The following CIT variants were observed in gnomAD, a reference collection of about 807,000 sequenced individuals.
CIT encodes citron rho-interacting serine/threonine kinase.
CIT carries 79 observed loss-of-function variants against 272.7 expected under a neutral mutation model. The observed-to-expected ratio is 0.29, with a 90% CI of 0.24 to 0.35. CIT has a LOEUF of 0.35. Ranked by LOEUF, CIT falls within the 10% of genes least tolerant of loss-of-function variation. The pLI, the probability that CIT is intolerant of heterozygous loss-of-function variation, is 1.00. For missense variants in CIT, 1,909 were observed against 2,618.3 expected (o/e 0.73, Z 5.91); for synonymous variants, 948 against 995.6 (o/e 0.95, Z 0.90).
intron 24 of CIT, among the ~76,000 whole-genome samples, chr12:119,737,731 T>G (rs1407449036): frequency 6.6e-6 from 1 of 152,240 alleles, no homozygotes; most frequent in African/African-American, 2.4e-5. Flanking sequence ...CATCTCTATT[T>G]TGCCCATTTG....
intron 28 of CIT, among the ~76,000 whole-genome samples, chr12:119,723,419 T>TAAA (rs1957910211): frequency 7.1e-6 from 1 of 140,474 alleles, no homozygotes; most frequent in African/African-American, 2.6e-5. Flanking sequence ...AAAAAAAAAG[T>TAAA]AAGCGGGGCA....
chr12:119,862,840 A>G (rs1950392739), intron 3 of CIT, among the ~76,000 whole-genome samples: 4 of 122,726 alleles, frequency 3.3e-5, no homozygotes, highest in Admixed American at 2.5e-4. Flanking sequence ...AAAAAAAAAA[A>G]GAAAAAACCA....
At chr12:119,820,971 A>T (rs1361901751) in intron 9 of CIT, among the ~76,000 whole-genome samples, 1 of 151,876 alleles carries the variant, frequency 6.6e-6, no homozygotes, top group Non-Finnish European at 1.5e-5. Flanking sequence ...CTCTGTCTCA[A>T]AAGTAAATAA....
chr12:119,738,188 TG>T (rs1187033559), intron 24 of CIT, among the ~76,000 whole-genome samples: 12 of 152,192 alleles, frequency 7.9e-5, no homozygotes, highest in African/African-American at 2.9e-4. Context: ...TCTTGCCCCC[TG>T]AACCATACTG....
chr12:119,792,022 T>TA lies in CIT; in HGVS notation c.1296-6958dup, dbSNP rs550606239. On this transcript the variant is annotated intron_variant, in intron 10 of 47. Coordinates refer to ENST00000392521, the MANE Select transcript of CIT (RefSeq NM_001206999.2). ...CTGTAAATAATCCATATAACTTTGT[T>TA]AAAAAAAATTACTTAATAGGGCTAT... is the stretch of plus-strand genomic sequence containing the variant. Among the ~76,000 whole-genome samples, 174 of 152,174 alleles carry TA rather than the reference T, an allele frequency of 1.1e-3. 1 individual carries two copies. The highest frequency in any genetic ancestry group is 4.0e-3 in the African/African-American group (166 of 41,518).
chr12:119,690,073 G>A lies in CIT; in HGVS notation c.6186+78C>T. 1.5e-6 allele frequency: 2 copies of A among 1,316,232 alleles called. No homozygotes were observed. The highest frequency in any genetic ancestry group is 3.9e-5 in the South Asian group (2 of 51,704). The allele number at this position is 1,316,232 out of a possible 1,614,324, so 81.5% of individuals were successfully genotyped here. On this transcript the variant is annotated intron_variant, in intron 47 of 47. Transcript: ENST00000392521. The surrounding 1 kb of genome is among the most constrained non-coding windows in gnomAD (Gnocchi z 6.0). Reference sequence around the variant, plus strand: ...TGGAGTTCCTTTTTTAAACAACAGTGGCCCCGTGGGGGCCTCAGTTCCCCA... The same window carrying A: ...TGGAGTTCCTTTTTTAAACAACAGTAGCCCCGTGGGGGCCTCAGTTCCCCA...
chr12:119,859,158 T>C (rs1226489516), intron 3 of CIT, among the ~76,000 whole-genome samples: 1 of 152,206 alleles, frequency 6.6e-6, no homozygotes, highest in Non-Finnish European at 1.5e-5. Flanking sequence ...AATTTAATCC[T>C]GCACGTTACA....
chr12:119,835,731 G>A (rs1165003247), intron 5 of CIT, among the ~76,000 whole-genome samples: 1 of 152,110 alleles, frequency 6.6e-6, no homozygotes, highest in Non-Finnish European at 1.5e-5. Flanking sequence ...CTCTAGACAA[G>A]TCAGAAGTAG....
intron 24 of CIT, 47 bp downstream of exon 24, chr12:119,742,364 T>C (rs1363395059): frequency 1.4e-6 from 2 of 1,410,538 alleles, no homozygotes; most frequent in African/African-American, 1.4e-5. Context: ...TCCTCCTCTG[T>C]TTTAGTTTCA....
At chr12:119,815,952 A>C (rs1967146289) in intron 9 of CIT, among the ~76,000 whole-genome samples, 1 of 152,188 alleles carries the variant, frequency 6.6e-6, no homozygotes. Context: ...AAACAAAGGC[A>C]AAGAGAATTT....
At chr12:119,851,995 T>C (rs1157047554) in intron 4 of CIT, among the ~76,000 whole-genome samples, 1 of 152,188 alleles carries the variant, frequency 6.6e-6, no homozygotes, top group East Asian at 1.9e-4. Context: ...ATCCCACCAC[T>C]GCACTCCAGC....
At chr12:119,775,187 C>T (rs1963620290) in intron 16 of CIT, among the ~76,000 whole-genome samples, 1 of 152,036 alleles carries the variant, frequency 6.6e-6, no homozygotes, top group Non-Finnish European at 1.5e-5. Flanking sequence ...GCAAGAGAAT[C>T]GCTTCAACCC....
chr12:119,845,504 T>C (rs931029982), intron 5 of CIT, among the ~76,000 whole-genome samples: 1 of 150,778 alleles, frequency 6.6e-6, no homozygotes, highest in African/African-American at 2.4e-5. Context: ...AATACAAAAA[T>C]TTGCCGGACA....
chr12:119,700,295 T>G (rs1163466128), intron 44 of CIT, among the ~76,000 whole-genome samples: 3 of 152,232 alleles, frequency 2.0e-5, no homozygotes, highest in African/African-American at 7.2e-5. Flanking sequence ...TCCGGGTGAC[T>G]GTTACACATG....
intron 40 of CIT, 147 bp from the exon 41 acceptor site, chr12:119,704,602 G>A (rs1382330523): frequency 7.3e-6 from 5 of 682,058 alleles, no homozygotes; most frequent in East Asian, 5.4e-5. Context: ...CCTGGGCATC[G>A]CAGGATATGA....
At chr12:119,792,918 C>T (rs528513140) in intron 10 of CIT, among the ~76,000 whole-genome samples, 185 of 152,014 alleles carry the variant, frequency 1.2e-3, no homozygotes, top group African/African-American at 4.0e-3. Context: ...GCCGAGATAG[C>T]GCCACTGCAC....
chr12:119,711,180 T>C, intron 37 of CIT: 1 of 1,087,516 alleles, frequency 9.2e-7, no homozygotes, highest in South Asian at 1.2e-5. Context: ...AACCACTGAG[T>C]AAAGCCCTTT....
intron 24 of CIT, among the ~76,000 whole-genome samples, chr12:119,738,400 C>T (rs1958890159): frequency 6.6e-6 from 1 of 152,104 alleles, no homozygotes; most frequent in Non-Finnish European, 1.5e-5. Context: ...GATTTGTTTA[C>T]TATGAGTCTG....
chr12:119,785,011 T>C lies in CIT; in HGVS notation c.1350A>G (p.Lys450=). The change falls in exon 11 of 48, where the codon AAA becomes AAG. Residue 450 remains lysine, a synonymous_variant. Transcript: ENST00000392521. ...SPAKTSSMEK[K]LLIKSKELQD... ...GTAGCTCTTTGCTTTTGATGAGAAG[T>C]TTCTTTTCCATGGAGCTAGTCTTGG... The C allele has an allele frequency of 6.2e-7, 1 of 1,614,170 alleles. No homozygotes were observed. The highest frequency in any genetic ancestry group is 8.5e-7 in the Non-Finnish European group (1 of 1,180,040).
Sources: allele counts gnomAD v4.1 joint callset (sites outside exome capture counted in the v4.1 genomes callset), GRCh38; gene constraint gnomAD v4.1.1; non-coding constraint Gnocchi (gnomAD v3.1); transcripts MANE v1.5; gene names NCBI Gene and HGNC (gene_info 2026-07-23, HGNC 2026-07-21).